Variants in CYP3A43 observed in about 807,000 individuals in gnomAD.
CYP3A43 encodes cytochrome P450 family 3 subfamily A member 43, also known as cytochrome P450 3A43.
In CYP3A43, 45 loss-of-function variants were observed where a neutral mutation model predicts 58.0. That is an observed-to-expected ratio of 0.78 (90% CI 0.61 to 0.99). The LOEUF is 0.99. Ranked by LOEUF, CYP3A43 falls within the 50% of genes least tolerant of loss-of-function variation. The pLI is 0.00. For synonymous variants in CYP3A43, 191 were observed against 201.4 expected (o/e 0.95, Z 0.44); for missense variants, 593 against 591.9 (o/e 1.00, Z -0.02).
chr7:99,847,848 C>A, intron 5 of CYP3A43: 1 of 527,822 alleles, frequency 1.9e-6, no homozygotes, highest in East Asian at 3.8e-5. Flanking sequence ...CCCAACTCTA[C>A]TAAAAATACA....
At chr7:99,861,066 G>A (rs1434583321) in intron 10 of CYP3A43, among the ~76,000 whole-genome samples, 1 of 152,024 alleles carries the variant, frequency 6.6e-6, no homozygotes, top group Non-Finnish European at 1.5e-5. Context: ...TAGACACAGG[G>A]TTTCACCATG....
rs558612003 is a variant in CYP3A43, at chr7:99,855,190, T to C, written c.671-401T>C. On this transcript the variant is annotated intron_variant, in intron 7 of 12. Transcript: ENST00000354829. ...GATTTCTAGTTTCATTCCATGGTAG[T>C]TGAAGGACATTTGCCGTATTGTTTC... Among the ~76,000 whole-genome samples the C allele has an allele frequency of 1.1e-4, 16 of 152,360 alleles. No individual in the cohort carries two copies. In the South Asian group the frequency reaches 1.4e-3, roughly 14 times the overall value.
intron 1 of CYP3A43, among the ~76,000 whole-genome samples, chr7:99,835,080 A>C (rs1817016560): frequency 6.6e-6 from 1 of 152,210 alleles, no homozygotes; most frequent in African/African-American, 2.4e-5. Flanking sequence ...GACACATCTG[A>C]GTTCTTCTAG....
chr7:99,843,320 G>A (rs1374430676), intron 3 of CYP3A43, among the ~76,000 whole-genome samples: 1 of 152,004 alleles, frequency 6.6e-6, no homozygotes, highest in Non-Finnish European at 1.5e-5. Flanking sequence ...CCTGTGGCTG[G>A]TGTTCTTCCC....
At chr7:99,843,671 G>A (rs1317771899) in intron 3 of CYP3A43, among the ~76,000 whole-genome samples, 6 of 151,912 alleles carry the variant, frequency 3.9e-5, no homozygotes. Context: ...TCACCATGTT[G>A]GCCAGGCTTG....
At chr7:99,851,958 T>C (rs886423137) in intron 7 of CYP3A43, among the ~76,000 whole-genome samples, 3 of 152,270 alleles carry the variant, frequency 2.0e-5, no homozygotes, top group Admixed American at 2.0e-4. Context: ...AGGTCTTCGA[T>C]GCATCTTGAT....
chr7:99,830,415 G>A (rs1563057068), intron 1 of CYP3A43, among the ~76,000 whole-genome samples: 1 of 152,136 alleles, frequency 6.6e-6, no homozygotes, highest in Non-Finnish European at 1.5e-5. Context: ...CTACTCGGGA[G>A]GCTGAGGCAG....
intron 1 of CYP3A43, among the ~76,000 whole-genome samples, chr7:99,835,643 T>C (rs564715520): frequency 6.6e-6 from 1 of 152,354 alleles, no homozygotes; most frequent in East Asian, 1.9e-4. Flanking sequence ...GGTCTGGTTG[T>C]ATGTGCAGGT....
intron 3 of CYP3A43, among the ~76,000 whole-genome samples, chr7:99,841,194 C>T (rs1817316828): frequency 6.6e-6 from 1 of 152,118 alleles, no homozygotes; most frequent in African/African-American, 2.4e-5. Flanking sequence ...ATAACTTCCC[C>T]TTATGCTTGG....
intron 10 of CYP3A43, among the ~76,000 whole-genome samples, chr7:99,861,034 C>A (rs1038880247): frequency 6.6e-6 from 1 of 151,896 alleles, no homozygotes; most frequent in African/African-American, 2.4e-5. Context: ...CTACTATGCC[C>A]GGCTAATTTT....
At chr7:99,862,285 G>A (rs537051045) in intron 11 of CYP3A43, among the ~76,000 whole-genome samples, 1 of 152,114 alleles carries the variant, frequency 6.6e-6, no homozygotes, top group South Asian at 2.1e-4. Context: ...TCTGAATTTA[G>A]CACCACGTTT....
intron 3 of CYP3A43, among the ~76,000 whole-genome samples, chr7:99,842,947 A>T (rs1000722385): frequency 6.6e-6 from 1 of 152,196 alleles, no homozygotes; most frequent in African/African-American, 2.4e-5. Flanking sequence ...GACAATGTCA[A>T]TTTCCAGTTT....
At chr7:99,842,087 A>G (rs925208611) in intron 3 of CYP3A43, among the ~76,000 whole-genome samples, 1 of 152,232 alleles carries the variant, frequency 6.6e-6, no homozygotes, top group Non-Finnish European at 1.5e-5. Flanking sequence ...CAATTAATTA[A>G]AAGATCAAAT....
chr7:99,852,517 TA>T (rs1255697242), intron 7 of CYP3A43, among the ~76,000 whole-genome samples: 1 of 152,220 alleles, frequency 6.6e-6, no homozygotes, highest in Non-Finnish European at 1.5e-5. Flanking sequence ...GCACTTTTGT[TA>T]ATGTTATTCC....
chr7:99,855,807 T>G lies in CYP3A43; in HGVS notation c.798+89T>G. On this transcript the variant is annotated intron_variant, in intron 8 of 12. Coordinates refer to ENST00000354829, the MANE Select transcript of CYP3A43 (RefSeq NM_057095.3). ...ATACGATTTGTGCACTTATCTGTGT[T>G]TTTTAAAGGCAGCTAGAGAACTTTA... is the stretch of plus-strand genomic sequence containing the variant. 5 of 1,411,400 alleles carry G rather than the reference T, an allele frequency of 3.5e-6. No homozygotes were observed. In the South Asian group the frequency reaches 6.8e-5, roughly 19 times the overall value. The allele number at this position is 1,411,400 out of a possible 1,614,324, so 87.4% of individuals were successfully genotyped here.
chr7:99,840,640 T>C (rs1332712915), intron 3 of CYP3A43, among the ~76,000 whole-genome samples: 1 of 152,208 alleles, frequency 6.6e-6, no homozygotes, highest in East Asian at 1.9e-4. Flanking sequence ...CCCCCCTTTT[T>C]TCCTTCCTGC....
At chr7:99,842,786 A>G (rs187476190) in intron 3 of CYP3A43, among the ~76,000 whole-genome samples, 4 of 152,338 alleles carry the variant, frequency 2.6e-5, no homozygotes, top group Admixed American at 2.0e-4. Context: ...TCCCAAAATG[A>G]TAGAAGGCCA....
rs375460552 is a variant in CYP3A43 at position 99,855,688 on chromosome 7, G to A, written c.768G>A (p.Met256Ile). Reference protein sequence around the residue: ...THFLKNSIERMKESRLKDKQK... With the variant: ...THFLKNSIERIKESRLKDKQK... ...TTTTAAAAAATTCCATTGAAAGGAT[G>A]AAAGAAAGTCGCCTCAAAGATAAAC... Residue 256 changes from methionine to isoleucine, a missense_variant, in exon 8 of 13, where the codon ATG becomes ATA. Physicochemically the swap from Met to Ile is conservative, Grantham distance 10. Transcript: ENST00000354829. The A allele has an allele frequency of 5.3e-5, 86 of 1,612,268 alleles. No individual in the cohort carries two copies. Among genetic ancestry groups the A allele is most frequent in the Middle Eastern group, 4.9e-4 (3 of 6,076 alleles).
At chr7:99,833,324 A>G (rs1056945792) in intron 1 of CYP3A43, among the ~76,000 whole-genome samples, 3 of 152,062 alleles carry the variant, frequency 2.0e-5, no homozygotes, top group African/African-American at 7.3e-5. Context: ...ATTTCGTGGG[A>G]GGGGGGAGAT....
Sources: gnomAD v4.1 joint callset for allele counts (sites outside exome capture counted in the v4.1 genomes callset) on GRCh38, gnomAD v4.1.1 for gene constraint, MANE v1.5 for transcripts, NCBI Gene and HGNC (gene_info 2026-07-23, HGNC 2026-07-21) for gene names.